Variants in MAPKBP1 observed in about 807,000 individuals in gnomAD.
The protein encoded by MAPKBP1 is mitogen-activated protein kinase binding protein 1.
In MAPKBP1, 71 loss-of-function variants were observed where a neutral mutation model predicts 170.5. That is an observed-to-expected ratio of 0.42 (90% confidence interval 0.34 to 0.51). MAPKBP1 has a LOEUF of 0.51. Ranked by LOEUF, MAPKBP1 falls within the 20% of genes least tolerant of loss-of-function variation. MAPKBP1 has a pLI of 0.06. For missense variants in MAPKBP1, 1,598 were observed against 1,933.0 expected (o/e 0.83, Z 3.25); for synonymous variants, 719 against 757.9 (o/e 0.95, Z 0.84).
rs750403847 is a variant in MAPKBP1 at position 41,811,217 on chromosome 15, G to A, written c.309G>A (p.Lys103=). Residue 103 remains lysine, a synonymous_variant, in exon 5 of 31, where the codon AAG becomes AAA. Coordinates refer to ENST00000457542, the MANE Select transcript of MAPKBP1 (RefSeq NM_014994.3). Reference sequence around the variant, plus strand: ...CCCTTGCCTTCTCCCCTGATGGCAAGTACTTGGTCACTGGAGAGGTGAGTG... The same window carrying A: ...CCCTTGCCTTCTCCCCTGATGGCAAATACTTGGTCACTGGAGAGGTGAGTG... ...ITALAFSPDG[K]YLVTGESGHM... is the part of the protein sequence containing the mutation. The A allele has an allele frequency of 4.8e-5, 77 of 1,614,266 alleles. No individual in the cohort carries two copies. The highest frequency in any genetic ancestry group is 6.3e-5 in the Non-Finnish European group (74 of 1,180,054).
intron 5 of MAPKBP1, 135 bp from the exon 6 acceptor site, chr15:41,811,822 C>T (rs947896273): frequency 1.7e-5 from 14 of 837,792 alleles, no homozygotes; most frequent in South Asian, 7.4e-5. Context: ...CCTCTATACC[C>T]TGCCCTGACT....
chr15:41,824,580 G>A lies in MAPKBP1; in HGVS notation c.4299+11G>A, dbSNP rs752707718. On this transcript the variant is annotated intron_variant, in intron 30 of 30. Coordinates refer to ENST00000457542, the MANE Select transcript of MAPKBP1 (RefSeq NM_014994.3). ...CGGCTCTACCACTCGGTGGGTGTTAGGTGCCCCCCGGCAGGAAGGCGGGCA... is the reference window on the plus strand; with the variant it reads ...CGGCTCTACCACTCGGTGGGTGTTAAGTGCCCCCCGGCAGGAAGGCGGGCA... 1 of 1,582,390 alleles carries A rather than the reference G, an allele frequency of 6.3e-7. No homozygotes were observed. Among genetic ancestry groups the A allele is most frequent in the Non-Finnish European group, 8.6e-7 (1 of 1,166,858 alleles).
intron 30 of MAPKBP1, 75 bp downstream of exon 30, chr15:41,824,644 A>G (rs1187683242): frequency 1.5e-6 from 2 of 1,366,154 alleles, no homozygotes; most frequent in Non-Finnish European, 2.0e-6. Context: ...CCATGTCCAG[A>G]ACAGTATGCT....
chr15:41,810,796 CG>C, intron 3 of MAPKBP1, 86 bp from the exon 4 acceptor site: 1 of 1,027,496 alleles, frequency 9.7e-7, no homozygotes, highest in Non-Finnish European at 1.5e-6. Flanking sequence ...CTCCCTCTGC[CG>C]GGTGACTGGA....
chr15:41,796,768 A>T (rs1239739863), intron 2 of MAPKBP1, among the ~76,000 whole-genome samples: 1 of 152,186 alleles, frequency 6.6e-6, no homozygotes, highest in Non-Finnish European at 1.5e-5. Context: ...ATGACTAAGG[A>T]ACACAAAGGT....
At chr15:41,786,777 A>AAAAAATATATATATATATATATAT in intron 2 of MAPKBP1, among the ~76,000 whole-genome samples, 32 of 32,354 alleles carry the variant, frequency 9.9e-4, no homozygotes, top group South Asian at 4.0e-3. Flanking sequence ...AAAAAAAAAA[A>AAAAAATATATATATATATATATAT]ATATATATAT....
At chr15:41,824,943 C>G (rs1329875154) in intron 30 of MAPKBP1, among the ~76,000 whole-genome samples, 1 of 152,170 alleles carries the variant, frequency 6.6e-6, no homozygotes, top group African/African-American at 2.4e-5. Flanking sequence ...AAGGCCCAAA[C>G]TTTGAAAGAG....
chr15:41,786,622 G>A (rs979399716), intron 2 of MAPKBP1, among the ~76,000 whole-genome samples: 3 of 150,648 alleles, frequency 2.0e-5, no homozygotes, highest in Non-Finnish European at 4.4e-5. Context: ...AAAATTAGCT[G>A]GGCGTGGTGG....
intron 29 of MAPKBP1, 85 bp downstream of exon 29, chr15:41,824,146 C>T: frequency 6.7e-7 from 1 of 1,491,856 alleles, no homozygotes; most frequent in Non-Finnish European, 8.9e-7. Flanking sequence ...CATCCCATTT[C>T]TGTGGGTACA....
chr15:41,806,379 A>G (rs2064694353), intron 3 of MAPKBP1, among the ~76,000 whole-genome samples: 1 of 152,186 alleles, frequency 6.6e-6, no homozygotes, highest in African/African-American at 2.4e-5. Flanking sequence ...AAACAATTCA[A>G]AGGCCCAGGG....
At chr15:41,811,827 C>G (rs905324639) in intron 5 of MAPKBP1, 130 bp from the exon 6 acceptor site, 25 of 886,658 alleles carry the variant, frequency 2.8e-5, no homozygotes, top group Non-Finnish European at 4.2e-5. Context: ...ATACCCTGCC[C>G]TGACTTTTGG....
Position 41,815,330 on chromosome 15 carries a change from C to T in MAPKBP1, c.1242C>T (p.Asp414=). 3 of 1,614,218 alleles carry T rather than the reference C, an allele frequency of 1.9e-6. No homozygotes were observed. Among genetic ancestry groups the T allele is most frequent in the Non-Finnish European group, 2.5e-6 (3 of 1,180,028 alleles). ...PPSSFITCSS[D]NTIRLWNTES... ...GTTCCTTTATTACCTGCTCCTCAGA[C>T]AACACCATCCGCCTGTGGAACACAG... Residue 414 remains aspartate, a synonymous_variant, in exon 11 of 31, where the codon GAC becomes GAT. Transcript: ENST00000457542.
Position 41,821,595 on chromosome 15 carries a change from C to T in MAPKBP1, c.2730C>T (p.Pro910=), listed in dbSNP as rs1340603707. The T allele has an allele frequency of 2.5e-6, 4 of 1,613,404 alleles. No homozygotes were observed. The highest frequency in any genetic ancestry group is 2.7e-5 in the African/African-American group (2 of 74,706). The change falls in exon 24 of 31, where the codon CCC becomes CCT. Residue 910 remains proline (P), a synonymous_variant. Coordinates refer to ENST00000457542, the MANE Select transcript of MAPKBP1 (RefSeq NM_014994.3). ...ETSLTSQNEK[P]PRPQASQPCS... is the part of the protein sequence containing the mutation. ...TTGTGTGTTCCCAGAATGAAAAGCCCCCTCGGCCTCAGGCTTCCCAACCTT... is the reference window on the plus strand; with the variant it reads ...TTGTGTGTTCCCAGAATGAAAAGCCTCCTCGGCCTCAGGCTTCCCAACCTT...
Position 41,823,134 on chromosome 15 carries a change from C to T in MAPKBP1, c.3510C>T (p.Asp1170=). ...VLLPRCRLNP[D]SSWAPKRVAT... ...TGCCACGATGCCGTCTCAACCCTGA[C>T]AGCAGCTGGGCTCCCAAGAGAGTGG... Residue 1170 remains aspartate, a synonymous_variant, in exon 28 of 31, where the codon GAC becomes GAT. Transcript: ENST00000457542. 6.2e-7 allele frequency: 1 copy of T among 1,613,756 alleles called. No homozygotes were observed. The highest frequency in any genetic ancestry group is 8.5e-7 in the Non-Finnish European group (1 of 1,180,024).
intron 12 of MAPKBP1, chr15:41,816,170 A>T (rs923966989): frequency 9.2e-6 from 3 of 325,952 alleles, no homozygotes; most frequent in Non-Finnish European, 1.7e-5. Context: ...CAAGATCATG[A>T]AAAGTAAGGA....
rs555386832 is a variant in MAPKBP1 at position 41,824,373 on chromosome 15, G to A, written c.4214-111G>A. On this transcript the variant is annotated intron_variant, in intron 29 of 30. Coordinates refer to ENST00000457542, the MANE Select transcript of MAPKBP1 (RefSeq NM_014994.3). ...GCCAAGAGGAAGGGACTGAGGGCAA[G>A]TGGGGGGTGCAATGCTGAGGGCTAG... is the stretch of plus-strand genomic sequence containing the variant. 18 of 1,009,886 alleles carry A rather than the reference G, an allele frequency of 1.8e-5. No individual in the cohort carries two copies. In the East Asian group the frequency reaches 4.5e-4, roughly 25 times the overall value. 62.6% of individuals were successfully genotyped at this position (1,009,886 alleles called of 1,614,324 possible). A position where few individuals can be genotyped will look rare whatever the true frequency, so the allele number is the denominator to read the frequency against.
intron 21 of MAPKBP1, 42 bp from the exon 22 acceptor site, chr15:41,819,553 G>GGGGGGGGGGGGA: frequency 6.7e-7 from 1 of 1,502,874 alleles, no homozygotes; most frequent in South Asian, 1.1e-5. Flanking sequence ...GTGGCGGGGG[G>GGGGGGGGGGGGA]GGGGCAGGAG....
At chr15:41,799,053 C>T (rs934981560) in intron 2 of MAPKBP1, among the ~76,000 whole-genome samples, 5 of 152,140 alleles carry the variant, frequency 3.3e-5, no homozygotes, top group African/African-American at 1.2e-4. Flanking sequence ...GAGGTTAGTT[C>T]GTGTGGGTCC....
At position 41,824,512 on chromosome 15, in the gene MAPKBP1, G is replaced by A; in HGVS notation, c.4242G>A (p.Glu1414=). ...SEPAVSLEQC[E]QLVAELRGSV... ...CAGCGGTGAGCCTGGAGCAGTGTGA[G>A]CAGCTGGTGGCAGAGCTCCGCGGCA... Residue 1414 remains glutamate, a synonymous_variant, in exon 30 of 31, where the codon GAG becomes GAA. Coordinates refer to ENST00000457542, the MANE Select transcript of MAPKBP1 (RefSeq NM_014994.3). The A allele has an allele frequency of 6.2e-7, 1 of 1,601,780 alleles. No homozygotes were observed. The highest frequency in any genetic ancestry group is 1.1e-5 in the South Asian group (1 of 88,658).
Sources: gnomAD v4.1 joint callset for allele counts (sites outside exome capture counted in the v4.1 genomes callset) on GRCh38, gnomAD v4.1.1 for gene constraint, MANE v1.5 for transcripts, NCBI Gene and HGNC (gene_info 2026-07-23, HGNC 2026-07-21) for gene names.